The following SOX5 variants were observed in gnomAD, a reference collection of about 807,000 sequenced individuals.
The protein encoded by SOX5 is SRY-box transcription factor 5.
SOX5 carries 9 observed loss-of-function variants against 92.0 expected under a neutral mutation model. That is an observed-to-expected ratio of 0.10 (90% confidence interval 0.06 to 0.17). The LOEUF is 0.17. SOX5 is among the 10% of genes least tolerant of loss of function. The pLI, the probability that SOX5 is intolerant of heterozygous loss-of-function variation, is 1.00. For synonymous variants in SOX5, 344 were observed against 336.3 expected (o/e 1.02, Z -0.25); for missense variants, 642 against 944.5 (o/e 0.68, Z 4.20).
intron 1 of SOX5, among the ~76,000 whole-genome samples, chr12:24,427,319 A>G (rs1258575073): frequency 6.6e-6 from 1 of 152,238 alleles, no homozygotes; most frequent in African/African-American, 2.4e-5. Flanking sequence ...TAAGTGTCCC[A>G]GAACTGTTGG....
chr12:23,649,418 T>A (rs1224332862), intron 7 of SOX5, among the ~76,000 whole-genome samples: 1 of 152,144 alleles, frequency 6.6e-6, no homozygotes, highest in Non-Finnish European at 1.5e-5. Context: ...AAAAATCAGA[T>A]AATGGAAAAC....
At chr12:24,534,655 T>C (rs1206438104) in intron 1 of SOX5, among the ~76,000 whole-genome samples, 3 of 152,188 alleles carry the variant, frequency 2.0e-5, no homozygotes, top group African/African-American at 7.2e-5. Context: ...CCTACATGGG[T>C]ATGTTTAACG....
intron 9 of SOX5, among the ~76,000 whole-genome samples, chr12:23,600,528 TATATATATATATATATATATATATACAC>T (rs1276056693): frequency 2.8e-5 from 3 of 105,566 alleles, no homozygotes; most frequent in African/African-American, 3.8e-5. Context: ...GGTGCATATA[TATATATATATATATATATATATATACAC>T]ATACTTGGCT....
At chr12:23,946,059 A>C (rs2139691993) in intron 1 of SOX5, among the ~76,000 whole-genome samples, 1 of 152,268 alleles carries the variant, frequency 6.6e-6, no homozygotes, top group South Asian at 2.1e-4. Context: ...TGTCCTAATA[A>C]GAAAAAAATT....
At chr12:24,241,343 C>A (rs936448103) in intron 3 of SOX5, among the ~76,000 whole-genome samples, 1 of 152,058 alleles carries the variant, frequency 6.6e-6, no homozygotes, top group Non-Finnish European at 1.5e-5. Flanking sequence ...ATTACAAAAG[C>A]CTCTTTGTTT....
intron 4 of SOX5, among the ~76,000 whole-genome samples, chr12:24,103,986 C>T (rs1381172782): frequency 2.6e-5 from 4 of 152,142 alleles, no homozygotes; most frequent in Non-Finnish European, 4.4e-5. Context: ...GCTGTGCAAG[C>T]ATTGTTTTCC....
chr12:24,221,639 G>A (rs1440184028), intron 3 of SOX5, among the ~76,000 whole-genome samples: 1 of 152,188 alleles, frequency 6.6e-6, no homozygotes, highest in African/African-American at 2.4e-5. Flanking sequence ...TAAGCAATGT[G>A]ATCACAGCAG....
At chr12:24,128,683 C>A (rs533054171) in intron 4 of SOX5, among the ~76,000 whole-genome samples, 1 of 152,216 alleles carries the variant, frequency 6.6e-6, no homozygotes, top group South Asian at 2.1e-4. Flanking sequence ...TAAGCAGAAG[C>A]CACAACCCGC....
intron 13 of SOX5, among the ~76,000 whole-genome samples, chr12:23,542,371 A>G (rs528639523): frequency 6.6e-6 from 1 of 152,330 alleles, no homozygotes; most frequent in Non-Finnish European, 1.5e-5. Flanking sequence ...GTATCTGGCC[A>G]TCAGACAGTG....
chr12:24,290,643 C>T (rs1018562210), intron 2 of SOX5, among the ~76,000 whole-genome samples: 1 of 152,178 alleles, frequency 6.6e-6, no homozygotes, highest in Non-Finnish European at 1.5e-5. Flanking sequence ...CCACCACCCC[C>T]CTCTCCCAGC....
chr12:23,563,592 T>C (rs1168643713), intron 10 of SOX5, among the ~76,000 whole-genome samples, 189 bp from the exon 11 acceptor site: 2 of 152,238 alleles, frequency 1.3e-5, no homozygotes, highest in Non-Finnish European at 2.9e-5. Context: ...CATAAACATG[T>C]TTCCAATATG....
intron 8 of SOX5, among the ~76,000 whole-genome samples, chr12:23,604,812 G>A (rs761963697): frequency 1.2e-4 from 18 of 152,080 alleles, no homozygotes; most frequent in Non-Finnish European, 2.2e-4. Flanking sequence ...GTCTATAGAA[G>A]GCAAGTATAA....
At chr12:24,458,081 G>A (rs1943212614) in intron 1 of SOX5, among the ~76,000 whole-genome samples, 2 of 151,064 alleles carry the variant, frequency 1.3e-5, no homozygotes, top group South Asian at 4.2e-4. Flanking sequence ...TATTTGTATT[G>A]TGCATGTGAA....
chr12:23,828,396 T>C (rs946525904), intron 3 of SOX5, among the ~76,000 whole-genome samples: 1 of 152,166 alleles, frequency 6.6e-6, no homozygotes, highest in Non-Finnish European at 1.5e-5. Flanking sequence ...AATATATCTT[T>C]CTATATCATT....
chr12:24,335,987 A>ATATATATC lies in SOX5; in HGVS notation c.-174+32575_-174+32576insGATATATA, dbSNP rs1555235765. 2.2e-4 allele frequency among the ~76,000 whole-genome samples: 30 copies of ATATATATC among 134,370 alleles called. 3 individuals carry two copies. Among genetic ancestry groups the ATATATATC allele is most frequent in the East Asian group, 2.2e-3 (6 of 2,790 alleles). The allele number at this position is 134,370 out of a possible 152,430, so 88.2% of individuals were successfully genotyped here. On this transcript the variant is annotated intron_variant, in intron 2 of 4. Transcript: ENST00000446891. The stretch of plus-strand genomic sequence containing the variant: ...GAAATGCTATCATATATATATATAT[A>ATATATATC]TCCATAATATTAAATTTTTCTTGTT...
chr12:23,718,428 T>C (rs2092630480), intron 6 of SOX5, among the ~76,000 whole-genome samples: 1 of 152,140 alleles, frequency 6.6e-6, no homozygotes, highest in East Asian at 1.9e-4. Context: ...GAAAGAGAGA[T>C]TGGAAAAATG....
chr12:23,627,813 A>C (rs1278292654), intron 8 of SOX5, among the ~76,000 whole-genome samples: 2 of 152,030 alleles, frequency 1.3e-5, no homozygotes, highest in Non-Finnish European at 2.9e-5. Context: ...GTTTAAATAA[A>C]ATTTAGTGGA....
intron 4 of SOX5, among the ~76,000 whole-genome samples, chr12:24,145,892 G>C (rs1951031850): frequency 6.6e-6 from 1 of 152,182 alleles, no homozygotes; most frequent in Non-Finnish European, 1.5e-5. Context: ...CAAGAATTAA[G>C]AAGGTTGTTT....
intron 2 of SOX5, chr12:24,277,386 T>C (rs1217323951): frequency 9.4e-6 from 1 of 106,366 alleles, no homozygotes; most frequent in Non-Finnish European, 2.3e-5. Flanking sequence ...CTCTTGAAAA[T>C]AGAAAATGTG....
Sources: allele counts gnomAD v4.1 joint callset (sites outside exome capture counted in the v4.1 genomes callset), GRCh38; gene constraint gnomAD v4.1.1; transcripts MANE v1.5; gene names NCBI Gene and HGNC (gene_info 2026-07-23, HGNC 2026-07-21).